FBXL5: variants seen among roughly 807,000 people sequenced by gnomAD.
FBXL5 encodes the protein F-box and leucine rich repeat protein 5.
Under a neutral mutation model 78.3 loss-of-function variants are expected in FBXL5, and 26 were observed. The ratio of observed to expected loss-of-function variants is 0.33; its 90% CI spans 0.24 to 0.46. The LOEUF is 0.46. Among genes scored for constraint, FBXL5 ranks in the 20% least tolerant of loss-of-function variants. The pLI is 1.00. For missense variants in FBXL5, 710 were observed against 829.2 expected, an observed-to-expected ratio of 0.86 and a Z score of 1.77; for synonymous variants, 295 against 282.5, an observed-to-expected ratio of 1.04 and a Z score of -0.45.
chr4:15,679,784 A>G (rs1281580178), intron 1 of FBXL5, among the ~76,000 whole-genome samples: 1 of 151,716 alleles, frequency 6.6e-6, no homozygotes, highest in Non-Finnish European at 1.5e-5. Context: ...AAAAAGCAGT[A>G]TGTCTCATTC....
intron 1 of FBXL5, among the ~76,000 whole-genome samples, chr4:15,669,461 A>G: frequency 6.6e-6 from 1 of 152,170 alleles, no homozygotes; most frequent in South Asian, 2.1e-4. Flanking sequence ...TAGAATATCT[A>G]TTGCTAGATA....
intron 9 of FBXL5, among the ~76,000 whole-genome samples, chr4:15,619,264 G>C (rs950299081): frequency 6.6e-6 from 1 of 152,040 alleles, no homozygotes; most frequent in Non-Finnish European, 1.5e-5. Context: ...GAAAATTACA[G>C]GCCAATGTCC....
intron 4 of FBXL5, among the ~76,000 whole-genome samples, chr4:15,637,896 T>TA (rs1714448914): frequency 7.9e-6 from 1 of 126,928 alleles, no homozygotes. Flanking sequence ...GAGGAACTAG[T>TA]TTTTTTAAAA....
intron 1 of FBXL5, among the ~76,000 whole-genome samples, chr4:15,645,868 T>G (rs1023256430): frequency 6.6e-6 from 1 of 152,212 alleles, no homozygotes; most frequent in African/African-American, 2.4e-5. Flanking sequence ...AATTCATACA[T>G]TTTTTACTCT....
chr4:15,678,724 T>C (rs747208741), intron 1 of FBXL5, among the ~76,000 whole-genome samples: 1 of 152,244 alleles, frequency 6.6e-6, no homozygotes, highest in Non-Finnish European at 1.5e-5. Flanking sequence ...ACAAATCAGC[T>C]TTTAATTATA....
At chr4:15,679,064 T>G (rs1404570695) in intron 1 of FBXL5, among the ~76,000 whole-genome samples, 1 of 39,570 alleles carries the variant, frequency 2.5e-5, no homozygotes, top group Non-Finnish European at 5.4e-5. Flanking sequence ...AAAATCTCTA[T>G]TTTTTTTTTT....
intron 9 of FBXL5, among the ~76,000 whole-genome samples, chr4:15,624,226 G>C (rs1176661572): frequency 1.3e-5 from 2 of 152,082 alleles, no homozygotes; most frequent in Non-Finnish European, 2.9e-5. Context: ...CATTATCAAA[G>C]AAAAGCATGT....
rs143340731 is a variant in FBXL5 at position 15,649,906 on chromosome 4, G to A, written c.85-5198C>T. Among the ~76,000 whole-genome samples, 236 of 152,102 alleles carry A rather than the reference G, an allele frequency of 1.6e-3. 3 individuals carry two copies. Among genetic ancestry groups the A allele is most frequent in the African/African-American group, 5.5e-3 (229 of 41,494 alleles). On this transcript the variant is annotated intron_variant, in intron 1 of 10. Transcript: ENST00000341285. ...CATACAACTAGTGAACAACAAAACC[G>A]AGACCAAGTCCCTAAAACTCTAACA...
In FBXL5 at chr4:15,672,309, A is replaced by C. The variant is rs184290342; in HGVS notation, c.-284+9074T>G. ...CCAATATTCCCAGCCGTCTCTGAGCACGACACAATTACAGTCATGTGTTGC... is the reference window on the plus strand; with the variant it reads ...CCAATATTCCCAGCCGTCTCTGAGCCCGACACAATTACAGTCATGTGTTGC... On this transcript the variant is annotated intron_variant, in intron 1 of 4. Coordinates refer to the FBXL5 transcript ENST00000507899. Among the ~76,000 whole-genome samples the C allele has an allele frequency of 9.2e-5, 14 of 152,342 alleles. 1 individual carries two copies. Among genetic ancestry groups the C allele is most frequent in the Admixed American group, 8.5e-4 (13 of 15,294 alleles).
rs1167365158 is a variant in FBXL5, at chr4:15,630,744, C to T, written c.814G>A (p.Asp272Asn). 6.2e-7 allele frequency: 1 copy of T among 1,610,452 alleles called. No individual in the cohort carries two copies. The highest frequency in any genetic ancestry group is 8.5e-7 in the Non-Finnish European group (1 of 1,178,914). The change falls in exon 6 of 11, where the codon GAT becomes AAT. Residue 272 changes from aspartate (D) to asparagine (N), a missense_variant. Around this residue, in one of 4 missense-constraint regions of FBXL5, gnomAD observed 517 missense variants for 542.9 expected, o/e 0.95. Coordinates refer to ENST00000341285, the MANE Select transcript of FBXL5 (RefSeq NM_012161.4). ...PATELDTEPD[D>N]EWVKNRKDES... Reference sequence around the variant, plus strand: ...TCTTTCCTATTTTTCACCCATTCATCATCAGGTTCAGTATCAAGTTCAGTT... The same window carrying T: ...TCTTTCCTATTTTTCACCCATTCATTATCAGGTTCAGTATCAAGTTCAGTT...
At chr4:15,636,471 A>G (rs1714278150) in intron 5 of FBXL5, 23 bp downstream of exon 5, 3 of 1,471,026 alleles carry the variant, frequency 2.0e-6, no homozygotes, top group East Asian at 5.0e-5. Context: ...ACATGAAAAT[A>G]TTTTAAAAAC....
chr4:15,638,303 A>G (rs181866926), intron 4 of FBXL5, among the ~76,000 whole-genome samples: 3 of 152,348 alleles, frequency 2.0e-5, no homozygotes, highest in Admixed American at 2.0e-4. Context: ...TGTCCCAAGT[A>G]TATGTTAAAT....
chr4:15,626,759 A>G (rs1380965066), intron 8 of FBXL5, 114 bp downstream of exon 8: 4 of 760,160 alleles, frequency 5.3e-6, no homozygotes, highest in Non-Finnish European at 6.3e-6. Context: ...AATTATACTC[A>G]GACATGACTG....
At chr4:15,630,113 G>C (rs1194455498) in intron 6 of FBXL5, among the ~76,000 whole-genome samples, 1 of 152,094 alleles carries the variant, frequency 6.6e-6, no homozygotes, top group African/African-American at 2.4e-5. Flanking sequence ...GTTTGGAGTA[G>C]CGATGAAGTC....
At chr4:15,623,619 C>T (rs1712703250) in intron 9 of FBXL5, among the ~76,000 whole-genome samples, 1 of 152,088 alleles carries the variant, frequency 6.6e-6, no homozygotes, top group African/African-American at 2.4e-5. Flanking sequence ...GTTAGGAATA[C>T]AGACATGTAA....
intron 1 of FBXL5, among the ~76,000 whole-genome samples, chr4:15,680,698 G>A (rs1718206333): frequency 6.6e-6 from 1 of 151,778 alleles, no homozygotes; most frequent in African/African-American, 2.4e-5. Flanking sequence ...AAAAAATCCA[G>A]TTGGAGAATC....
Position 15,638,588 on chromosome 4 carries a change from A to C in FBXL5, c.503T>G (p.Leu168Arg). The C allele has an allele frequency of 6.2e-7, 1 of 1,613,516 alleles. No individual in the cohort carries two copies. The highest frequency in any genetic ancestry group is 8.5e-7 in the Non-Finnish European group (1 of 1,179,646). The change falls in exon 4 of 11, where the codon CTT becomes CGT. Residue 168 changes from leucine to arginine, a missense_variant. By Grantham distance (102) the Leu-to-Arg change is moderately radical. Coordinates refer to ENST00000341285, the MANE Select transcript of FBXL5 (RefSeq NM_012161.4). ...HCSQKDTAEL[L>R]RGLSLWNHAE... is the part of the protein sequence containing the mutation. The stretch of plus-strand genomic sequence containing the variant: ...ATGATTCCATAGGCTAAGACCTCTA[A>C]GGAGTTCTGCAGTATCCTTCTGAGA...
At chr4:15,610,976 A>C (rs753579423) in intron 10 of FBXL5, among the ~76,000 whole-genome samples, 2 of 152,154 alleles carry the variant, frequency 1.3e-5, no homozygotes, top group Non-Finnish European at 2.9e-5. Context: ...CAGCATCCAC[A>C]AAAGTAACAG....
chr4:15,612,361 C>T lies in FBXL5; in HGVS notation c.1904G>A (p.Gly635Asp). The T allele has an allele frequency of 6.2e-7, 1 of 1,612,596 alleles. No homozygotes were observed. Among genetic ancestry groups the T allele is most frequent in the East Asian group, 2.2e-5 (1 of 44,800 alleles). The change falls in exon 10 of 11, where the codon GGT (glycine) becomes GAT (aspartate). Residue 635 changes from glycine (G) to aspartate (D), a missense_variant. Gly to Asp is a moderately conservative substitution (Grantham distance 94, BLOSUM62 -1). Transcript: ENST00000341285. ...GCCTGCACCAGTTATAGTAAGACAACCAGAGAGATTAAGGTGCTCCAAATA... is the reference window on the plus strand; with the variant it reads ...GCCTGCACCAGTTATAGTAAGACAATCAGAGAGATTAAGGTGCTCCAAATA... ...LPYLEHLNLS[G>D]CLTITGAGLQ... is the part of the protein sequence containing the mutation.
Sources: allele counts gnomAD v4.1 joint callset (sites outside exome capture counted in the v4.1 genomes callset), GRCh38; gene constraint gnomAD v4.1.1; regional missense constraint gnomAD v4.1.1; transcripts MANE v1.5; gene names NCBI Gene and HGNC (gene_info 2026-07-23, HGNC 2026-07-21).